The following LRP1B variants were observed in gnomAD, a reference collection of about 807,000 sequenced individuals.
LRP1B encodes low-density lipoprotein receptor-related protein 1B.
LRP1B carries 217 observed loss-of-function variants against 556.6 expected under a neutral mutation model. That is an observed-to-expected ratio of 0.39 (90% CI 0.35 to 0.44). LRP1B has a LOEUF of 0.44. LRP1B is among the 20% of genes least tolerant of loss of function. The pLI is 1.00. For synonymous variants in LRP1B, 2,047 were observed against 1,865.8 expected (o/e 1.10, Z -2.50); for missense variants, 5,053 against 5,620.8 (o/e 0.90, Z 3.23).
At chr2:141,608,381 ACAGTATACAAGGT>A (rs1427335958) in intron 2 of LRP1B, among the ~76,000 whole-genome samples, 1 of 152,218 alleles carries the variant, frequency 6.6e-6, no homozygotes, top group Non-Finnish European at 1.5e-5. Flanking sequence ...AATGGGAGCA[ACAGTATACAAGGT>A]CACATTAAAT....
intron 1 of LRP1B, among the ~76,000 whole-genome samples, chr2:141,884,128 A>C (rs969543524): frequency 6.6e-6 from 1 of 152,274 alleles, no homozygotes; most frequent in South Asian, 2.1e-4. Flanking sequence ...AAATCTCAGC[A>C]CTTTGGGTGG....
At chr2:141,969,525 G>A (rs1036782236) in intron 1 of LRP1B, among the ~76,000 whole-genome samples, 2 of 151,428 alleles carry the variant, frequency 1.3e-5, no homozygotes, top group African/African-American at 4.8e-5. Context: ...GTCTTTCTGT[G>A]TCTGGCTTAT....
At chr2:141,764,473 C>T (rs1035388455) in intron 2 of LRP1B, among the ~76,000 whole-genome samples, 4 of 152,236 alleles carry the variant, frequency 2.6e-5, no homozygotes, top group South Asian at 2.1e-4. Flanking sequence ...TGAGCCACCG[C>T]GCCAGGCACA....
chr2:140,329,218 GACA>G (rs1680661452), intron 79 of LRP1B, among the ~76,000 whole-genome samples: 1 of 151,832 alleles, frequency 6.6e-6, no homozygotes, highest in Non-Finnish European at 1.5e-5. Flanking sequence ...GCACAGAGCA[GACA>G]ACAAAAGAGT....
chr2:142,031,244 T>C lies in LRP1B; in HGVS notation c.82+99404A>G, dbSNP rs186845878. Among the ~76,000 whole-genome samples, 288 of 151,598 alleles carry C rather than the reference T, an allele frequency of 1.9e-3. 2 individuals are homozygous for C. Among genetic ancestry groups the C allele is most frequent in the African/African-American group, 6.5e-3 (271 of 41,418 alleles). ...GAGACAGAGATAAACAATCAAATCA[T>C]TGGAATAGTTTGGATTCTCATGTTA... On this transcript the variant is annotated intron_variant, in intron 1 of 90. Coordinates refer to ENST00000389484, the MANE Select transcript of LRP1B (RefSeq NM_018557.3).
At chr2:140,961,705 C>T (rs1486058805) in intron 18 of LRP1B, among the ~76,000 whole-genome samples, 1 of 151,952 alleles carries the variant, frequency 6.6e-6, no homozygotes, top group Non-Finnish European at 1.5e-5. Context: ...TTATTGTTAT[C>T]ACAATATAAT....
chr2:142,068,943 T>C lies in LRP1B; in HGVS notation c.82+61705A>G, dbSNP rs527964639. Among the ~76,000 whole-genome samples the C allele has an allele frequency of 2.3e-4, 35 of 151,780 alleles. 2 individuals are homozygous for C. The South Asian group carries it at 5.2e-3, about 22-fold the overall frequency. On this transcript the variant is annotated intron_variant, in intron 1 of 90. Coordinates refer to ENST00000389484, the MANE Select transcript of LRP1B (RefSeq NM_018557.3). Reference sequence around the variant, plus strand: ...CTTGCAATGCATGAATAATAGAATGTAGCTGAAGAAATGTTTGTTGAATGA... The same window carrying C: ...CTTGCAATGCATGAATAATAGAATGCAGCTGAAGAAATGTTTGTTGAATGA...
At chr2:141,833,542 T>C (rs1380016548) in intron 1 of LRP1B, among the ~76,000 whole-genome samples, 1 of 151,868 alleles carries the variant, frequency 6.6e-6, no homozygotes, top group Non-Finnish European at 1.5e-5. Flanking sequence ...CATTAATTAA[T>C]AAACATTTGT....
chr2:141,334,563 G>A (rs1322285904), intron 3 of LRP1B, among the ~76,000 whole-genome samples: 1 of 152,020 alleles, frequency 6.6e-6, no homozygotes, highest in Non-Finnish European at 1.5e-5. Context: ...CCTAGAAACA[G>A]TGATATAGTC....
chr2:140,717,127 C>G (rs569118056), intron 35 of LRP1B, among the ~76,000 whole-genome samples: 1 of 151,966 alleles, frequency 6.6e-6, no homozygotes, highest in African/African-American at 2.4e-5. Context: ...CCTTATCCTG[C>G]ATGAATTTGC....
intron 41 of LRP1B, among the ~76,000 whole-genome samples, chr2:140,698,588 T>A (rs948023018): frequency 3.3e-5 from 5 of 152,062 alleles, no homozygotes; most frequent in African/African-American, 1.2e-4. Flanking sequence ...ATTGTGTTGT[T>A]TTGGTTGAAG....
rs369261178 is a variant in LRP1B, at chr2:141,865,496, G to T, written c.83-55095C>A. Among the ~76,000 whole-genome samples, 3 of 147,816 alleles carry T rather than the reference G, an allele frequency of 2.0e-5. No individual in the cohort carries two copies. In the East Asian group the frequency reaches 6.0e-4, roughly 30 times the overall value. On this transcript the variant is annotated intron_variant, in intron 1 of 90. Transcript: ENST00000389484. The stretch of plus-strand genomic sequence containing the variant: ...AGTCCCAGCTACTTGGGAGGCTGAG[G>T]CAGGAGAATGGCGTGAACCCGGGAG...
chr2:140,636,247 C>T (rs2105287774), intron 41 of LRP1B, among the ~76,000 whole-genome samples: 1 of 152,158 alleles, frequency 6.6e-6, no homozygotes, highest in Non-Finnish European at 1.5e-5. Flanking sequence ...CTTCTTGAAC[C>T]CTTAGCATGG....
intron 66 of LRP1B, among the ~76,000 whole-genome samples, chr2:140,404,858 A>T (rs914025837): frequency 6.6e-6 from 1 of 152,208 alleles, no homozygotes; most frequent in Non-Finnish European, 1.5e-5. Flanking sequence ...GACTTAAACT[A>T]TCTCTAGAAC....
intron 1 of LRP1B, among the ~76,000 whole-genome samples, chr2:142,046,059 G>A (rs148670224): frequency 2.4e-4 from 37 of 151,986 alleles, no homozygotes; most frequent in Middle Eastern, 3.4e-3. Context: ...AAACCAGAGC[G>A]CTAATTGATA....
intron 35 of LRP1B, among the ~76,000 whole-genome samples, chr2:140,747,430 T>C (rs962319359): frequency 3.9e-5 from 6 of 152,146 alleles, no homozygotes; most frequent in African/African-American, 1.4e-4. Context: ...TTCCAAGGCA[T>C]GAGTCCCTAC....
At chr2:140,476,631 T>A (rs1687986222) in intron 59 of LRP1B, among the ~76,000 whole-genome samples, 2 of 152,050 alleles carry the variant, frequency 1.3e-5, no homozygotes, top group South Asian at 4.1e-4. Flanking sequence ...ACAATCATTT[T>A]CTTGATTTGC....
rs1036066850 is a variant in LRP1B, at chr2:140,612,803, T to C, written c.6800-11164A>G. Among the ~76,000 whole-genome samples, 4 of 152,122 alleles carry C rather than the reference T, an allele frequency of 2.6e-5. No individual in the cohort carries two copies. The East Asian group carries it at 7.7e-4, about 29-fold the overall frequency. On this transcript the variant is annotated intron_variant, in intron 41 of 90. Transcript: ENST00000389484. ...AACTCTTATGCCTTTCTATACATCA[T>C]AATTCTCTTGATATTGGGGCATTCT... is the stretch of plus-strand genomic sequence containing the variant.
intron 7 of LRP1B, among the ~76,000 whole-genome samples, chr2:141,153,228 A>ATATATATAATTTATATATATAATT (rs1558896213): frequency 2.2e-5 from 3 of 134,764 alleles, no homozygotes; most frequent in Non-Finnish European, 3.1e-5. Context: ...TATATATATT[A>ATATATATAATTTATATATATAATT]TATATATAAT....
Sources: allele counts gnomAD v4.1 joint callset (sites outside exome capture counted in the v4.1 genomes callset), GRCh38; gene constraint gnomAD v4.1.1; transcripts MANE v1.5; gene names NCBI Gene and HGNC (gene_info 2026-07-23, HGNC 2026-07-21).